Variants in EIPR1 observed in about 807,000 individuals in gnomAD.
EIPR1 encodes the protein EARP complex and GARP complex interacting protein 1, also known as EARP and GARP complex-interacting protein 1.
Under a neutral mutation model 48.1 loss-of-function variants are expected in EIPR1, and 25 were observed. That is an observed-to-expected ratio of 0.52 (90% CI 0.38 to 0.73). The LOEUF is 0.73. Among genes scored for constraint, EIPR1 ranks in the 30% least tolerant of loss-of-function variants. The pLI is 0.00. For synonymous variants in EIPR1, 204 were observed against 201.9 expected (o/e 1.01, Z -0.09); for missense variants, 415 against 506.2 (o/e 0.82, Z 1.73).
chr2:3,358,502 T>A (rs1241514796), intron 1 of EIPR1, among the ~76,000 whole-genome samples: 1 of 152,170 alleles, frequency 6.6e-6, no homozygotes, highest in East Asian at 1.9e-4. Flanking sequence ...GTGAGCCAAT[T>A]CAACTCTTCA....
At position 3,341,454 on chromosome 2, in the gene EIPR1, C is replaced by A. The variant is rs571797126; in HGVS notation, c.127-3305G>T. 2.0e-5 allele frequency among the ~76,000 whole-genome samples: 3 copies of A among 151,348 alleles called. No homozygotes were observed. The East Asian group carries it at 5.9e-4, about 30-fold the overall frequency. On this transcript the variant is annotated intron_variant, in intron 2 of 8. Coordinates refer to ENST00000382125, the MANE Select transcript of EIPR1 (RefSeq NM_003310.5). ...TGTGTGGGAGCATGGGTACACTATG[C>A]GTGTATGTGCGTGGGAGTGCGTGTG...
At chr2:3,237,922 G>A (rs951946552) in intron 4 of EIPR1, among the ~76,000 whole-genome samples, 2 of 152,228 alleles carry the variant, frequency 1.3e-5, no homozygotes, top group African/African-American at 4.8e-5. Flanking sequence ...CAGGCTGAAC[G>A]TGGTGCTGCC....
chr2:3,277,515 T>C (rs1260472173), intron 3 of EIPR1, among the ~76,000 whole-genome samples: 2 of 152,256 alleles, frequency 1.3e-5, no homozygotes, highest in Non-Finnish European at 2.9e-5. Context: ...GCCCTGCCTG[T>C]GTGGCCTTCA....
intron 8 of EIPR1, among the ~76,000 whole-genome samples, chr2:3,190,504 G>T (rs58667575): frequency 0.022 from 3,367 of 152,250 alleles, 110 homozygotes; most frequent in African/African-American, 0.069. Context: ...TTTCCTGAAT[G>T]CAGCAGGACA....
At chr2:3,255,947 C>T (rs1667141719) in intron 4 of EIPR1, among the ~76,000 whole-genome samples, 1 of 152,198 alleles carries the variant, frequency 6.6e-6, no homozygotes, top group Non-Finnish European at 1.5e-5. Flanking sequence ...CCTAACAGTG[C>T]TGTGTGGTTT....
chr2:3,343,375 A>G (rs1670307840), intron 2 of EIPR1, among the ~76,000 whole-genome samples: 3 of 152,244 alleles, frequency 2.0e-5, no homozygotes. Flanking sequence ...AATGCGAGAA[A>G]GAAACACCGT....
intron 5 of EIPR1, chr2:3,208,972 G>C (rs200027812): frequency 3.4e-5 from 50 of 1,476,310 alleles, no homozygotes; most frequent in Non-Finnish European, 4.5e-5. Context: ...TAGGACAAGG[G>C]AAGAGCTCTC....
chr2:3,219,014 C>T (rs554139141), intron 4 of EIPR1, among the ~76,000 whole-genome samples: 104 of 149,966 alleles, frequency 6.9e-4, no homozygotes, highest in African/African-American at 1.6e-3. Flanking sequence ...ACACTCAACA[C>T]GACCCTGGTA....
At chr2:3,360,645 T>C (rs984499705) in intron 1 of EIPR1, among the ~76,000 whole-genome samples, 1 of 152,156 alleles carries the variant, frequency 6.6e-6, no homozygotes, top group Non-Finnish European at 1.5e-5. Flanking sequence ...AACTCAAAAC[T>C]GTATTCATTT....
chr2:3,228,235 C>T (rs1220062367), intron 4 of EIPR1, among the ~76,000 whole-genome samples: 2 of 152,256 alleles, frequency 1.3e-5, no homozygotes, highest in Admixed American at 1.3e-4. Flanking sequence ...TGGGAGCCCA[C>T]CTCTTGCATC....
In EIPR1 at chr2:3,338,070, T is replaced by C. The variant is rs772272045; in HGVS notation, c.206A>G (p.His69Arg). Residue 69 changes from histidine (H) to arginine (R), a missense_variant, in exon 3 of 9, where the codon CAT becomes CGT. Transcript: ENST00000382125. Reference sequence around the variant, plus strand: ...TCTGTCTGCAGGGCTAGCGCTAATATGCCAGATTTCACCCGCTTGATGGAG... The same window carrying C: ...TCTGTCTGCAGGGCTAGCGCTAATACGCCAGATTTCACCCGCTTGATGGAG... ...VLLHQAGEIW[H>R]ISASPADRGV... is the part of the protein sequence containing the mutation. The C allele has an allele frequency of 3.7e-6, 6 of 1,613,238 alleles. No individual in the cohort carries two copies. Among genetic ancestry groups the C allele is most frequent in the Non-Finnish European group, 5.1e-6 (6 of 1,179,896 alleles).
intron 3 of EIPR1, among the ~76,000 whole-genome samples, chr2:3,263,850 T>TCGTA (rs111737649): frequency 6.6e-6 from 1 of 151,620 alleles, no homozygotes; most frequent in African/African-American, 2.4e-5. Context: ...CCATTAACTT[T>TCGTA]CTAATTAAAA....
At position 3,263,656 on chromosome 2, in the gene EIPR1, T is replaced by C. The variant is rs544822348; in HGVS notation, c.260-6201A>G. On this transcript the variant is annotated intron_variant, in intron 3 of 8. Coordinates refer to ENST00000382125, the MANE Select transcript of EIPR1 (RefSeq NM_003310.5). Reference sequence around the variant, plus strand: ...TGCGGCCAGCGCCCTCCCCAGGAGGTGGCACGGTGCGGCCAGCGCCCTCCC... The same window carrying C: ...TGCGGCCAGCGCCCTCCCCAGGAGGCGGCACGGTGCGGCCAGCGCCCTCCC... Among the ~76,000 whole-genome samples, 47 of 150,352 alleles carry C rather than the reference T, an allele frequency of 3.1e-4. No individual in the cohort carries two copies. In the East Asian group the frequency reaches 5.7e-3, roughly 18 times the overall value.
intron 3 of EIPR1, among the ~76,000 whole-genome samples, chr2:3,323,701 C>T (rs1454513531): frequency 2.0e-5 from 3 of 152,162 alleles, no homozygotes; most frequent in African/African-American, 7.2e-5. Context: ...GTGAAGACAC[C>T]CAGAGCAGAG....
chr2:3,209,084 T>A, intron 5 of EIPR1: 1 of 1,405,256 alleles, frequency 7.1e-7, no homozygotes, highest in Non-Finnish European at 9.3e-7. Flanking sequence ...TGTACACCCG[T>A]TCCATGTTTC....
intron 3 of EIPR1, among the ~76,000 whole-genome samples, chr2:3,260,123 A>G (rs532238845): frequency 6.6e-6 from 1 of 152,350 alleles, no homozygotes; most frequent in African/African-American, 2.4e-5. Context: ...GACCCTATTA[A>G]TTGGACTTCA....
At chr2:3,266,436 T>TC (rs1667491551) in intron 3 of EIPR1, among the ~76,000 whole-genome samples, 2 of 152,226 alleles carry the variant, frequency 1.3e-5, no homozygotes, top group East Asian at 1.9e-4. Context: ...AAAAATACCT[T>TC]CCTCGATGGC....
intron 4 of EIPR1, among the ~76,000 whole-genome samples, chr2:3,248,169 T>C (rs2368691): frequency 0.68 from 103,706 of 152,032 alleles, 35,723 homozygotes; most frequent in East Asian, 0.81. Flanking sequence ...GTCTGGGGTC[T>C]GGGTGTGGTG....
At chr2:3,322,223 C>A (rs1236922859) in intron 3 of EIPR1, among the ~76,000 whole-genome samples, 1 of 152,114 alleles carries the variant, frequency 6.6e-6, no homozygotes, top group Non-Finnish European at 1.5e-5. Flanking sequence ...CGGTGAGGAC[C>A]CTAAAGCAGC....
Sources: allele counts gnomAD v4.1 joint callset (sites outside exome capture counted in the v4.1 genomes callset), GRCh38; gene constraint gnomAD v4.1.1; transcripts MANE v1.5; gene names NCBI Gene and HGNC (gene_info 2026-07-23, HGNC 2026-07-21).